The following GGA1 variants were observed in gnomAD, a reference collection of about 807,000 sequenced individuals.
GGA1 encodes golgi associated, gamma adaptin ear containing, ARF binding protein 1.
Under a neutral mutation model 76.9 loss-of-function variants are expected in GGA1, and 18 were observed. That is an observed-to-expected ratio of 0.23 (90% CI 0.16 to 0.35). The LOEUF is 0.35. Ranked by LOEUF, GGA1 falls within the 10% of genes least tolerant of loss-of-function variation. The probability of loss-of-function intolerance (pLI) is 1.00; values close to 1 mark genes in which losing one functional copy is unlikely to be tolerated. For missense variants in GGA1, 755 were observed against 859.0 expected (o/e 0.88, Z 1.51); for synonymous variants, 342 against 354.7 (o/e 0.96, Z 0.40).
intron 1 of GGA1, among the ~76,000 whole-genome samples, chr22:37,611,402 T>G (rs1927556082): frequency 6.6e-6 from 1 of 152,156 alleles, no homozygotes; most frequent in Non-Finnish European, 1.5e-5. Context: ...CTGTCTGCAC[T>G]TCTCCTTGCT....
Position 37,617,317 on chromosome 22 carries a change from C to T in GGA1, c.204+320C>T. ...CAACACATGGAATCAGGGCTCCACC[C>T]AGACCTGCCGAGGCCACACTCCTGG... On this transcript the variant is annotated intron_variant, in intron 3 of 16. Transcript: ENST00000343632. 4 of 1,253,542 alleles carry T rather than the reference C, an allele frequency of 3.2e-6. No individual in the cohort carries two copies. In the South Asian group the frequency reaches 7.6e-5, roughly 24 times the overall value. 77.7% of individuals were successfully genotyped at this position (1,253,542 alleles called of 1,614,324 possible).
chr22:37,625,742 C>T lies in GGA1; in HGVS notation c.941-55C>T, dbSNP rs1186109845. 7.9e-6 allele frequency: 11 copies of T among 1,396,398 alleles called. No homozygotes were observed. The East Asian group carries it at 1.2e-4, about 16-fold the overall frequency. The allele number at this position is 1,396,398 out of a possible 1,614,324, so 86.5% of individuals were successfully genotyped here. On this transcript the variant is annotated intron_variant, in intron 10 of 16. Coordinates refer to ENST00000343632, the MANE Select transcript of GGA1 (RefSeq NM_013365.5). The surrounding 1 kb of genome is among the most constrained non-coding windows in gnomAD (Gnocchi z 4.1). Reference sequence around the variant, plus strand: ...GTTGCTCCCCCGCAACCCCTGTGGACTCTGAGAGACACGTGTACACCCAGG... The same window carrying T: ...GTTGCTCCCCCGCAACCCCTGTGGATTCTGAGAGACACGTGTACACCCAGG...
intron 11 of GGA1, among the ~76,000 whole-genome samples, chr22:37,629,252 G>T (rs1182027393): frequency 6.6e-6 from 1 of 152,234 alleles, no homozygotes; most frequent in Non-Finnish European, 1.5e-5. Context: ...AAGAGGGGAA[G>T]CGTGTGTGGG....
At position 37,608,876 on chromosome 22, in the gene GGA1, G is replaced by C. The variant is rs1926895540; in HGVS notation, c.16G>C (p.Glu6Gln). The C allele has an allele frequency of 7.6e-7, 1 of 1,308,818 alleles. No individual in the cohort carries two copies. The highest frequency in any genetic ancestry group is 9.7e-7 in the Non-Finnish European group (1 of 1,029,172). The allele number at this position is 1,308,818 out of a possible 1,614,324, so 81.1% of individuals were successfully genotyped here. ...CCGGTGGCGGATGGAGCCCGCGATG[G>C]AGCCGGAGACTCTGGAGGCGCGAAT... MEPAMEPETLEARINR... is the reference protein window; with the variant it reads MEPAMQPETLEARINR... The change falls in exon 1 of 17, where the codon GAG (glutamate) becomes CAG (glutamine). Residue 6 changes from glutamate to glutamine, a missense_variant. Transcript: ENST00000343632.
intron 1 of GGA1, chr22:37,609,402 C>T (rs1433025306): frequency 2.2e-6 from 2 of 897,826 alleles, no homozygotes; most frequent in East Asian, 1.2e-4. Context: ...AAGGGAGGAC[C>T]CACTGCCCCA....
chr22:37,610,533 C>A (rs1927315672), intron 1 of GGA1: 1 of 152,168 alleles, frequency 6.6e-6, no homozygotes, highest in African/African-American at 2.4e-5. Context: ...TACAGGTGGG[C>A]TTTCACCATG....
At chr22:37,620,039 G>T (rs1369588206) in intron 4 of GGA1, 199 bp from the exon 5 acceptor site, 1 of 643,610 alleles carries the variant, frequency 1.6e-6, no homozygotes, top group Non-Finnish European at 2.8e-6. Flanking sequence ...CAGACACTGA[G>T]GGCTGACCCA....
At chr22:37,612,870 T>C (rs1927992073) in intron 1 of GGA1, 2 of 969,878 alleles carry the variant, frequency 2.1e-6, no homozygotes, top group Non-Finnish European at 2.5e-6. Flanking sequence ...TAACCAGTAT[T>C]GGGGGTTAAA....
rs200965557 is a variant in GGA1, at chr22:37,620,374, G to C, written c.427+13G>C. 40 of 1,613,900 alleles carry C rather than the reference G, an allele frequency of 2.5e-5. No homozygotes were observed. The Admixed American group carries it at 2.5e-4, about 10-fold the overall frequency. On this transcript the variant is annotated intron_variant, in intron 5 of 16. Coordinates refer to ENST00000343632, the MANE Select transcript of GGA1 (RefSeq NM_013365.5). ...CTAAAGAAGCAGGGTGAGGCACACA[G>C]AGGGTGGGGGGCGACCAGGGCCTGC...
chr22:37,620,762 C>A (rs756759116), intron 5 of GGA1, 51 bp from the exon 6 acceptor site: 2 of 1,120,374 alleles, frequency 1.8e-6, no homozygotes, highest in Non-Finnish European at 2.7e-6. Context: ...GTCACCCCTA[C>A]CCCTGGGCCT....
In GGA1 at chr22:37,632,969, A is replaced by C; in HGVS notation, c.*258A>C. On this transcript the variant is annotated 3_prime_UTR_variant, in exon 17 of 17. Coordinates refer to ENST00000343632, the MANE Select transcript of GGA1 (RefSeq NM_013365.5). The surrounding 1 kb of genome is among the most constrained non-coding windows in gnomAD (Gnocchi z 5.1). ...CTCCATCACCGGGACCTGGAGAGGG[A>C]GGGGCTGTGTAGCCTTGGAAGAACT... The C allele has an allele frequency of 3.8e-6, 2 of 520,562 alleles. No homozygotes were observed. Among genetic ancestry groups the C allele is most frequent in the Non-Finnish European group, 7.0e-6 (2 of 287,318 alleles). 32.2% of individuals were successfully genotyped at this position (520,562 alleles called of 1,614,324 possible).
At position 37,618,541 on chromosome 22, in the gene GGA1, C is replaced by T. The variant is rs1406378449; in HGVS notation, c.298C>T (p.Pro100Ser). The change falls in exon 4 of 17, where the codon CCC becomes TCC. Residue 100 changes from proline to serine, a missense_variant. By Grantham distance (74) the Pro-to-Ser change is moderately conservative (BLOSUM62 -1). Transcript: ENST00000343632. ...FLNELIKVVS[P>S]KYLGSRTSEK... Reference sequence around the variant, plus strand: ...CAACGAGCTCATCAAGGTCGTGTCTCCCAAGGTTGGTGCCCCCAGCCCAAG... The same window carrying T: ...CAACGAGCTCATCAAGGTCGTGTCTTCCAAGGTTGGTGCCCCCAGCCCAAG... 5.0e-6 allele frequency: 8 copies of T among 1,605,008 alleles called. No individual in the cohort carries two copies. The highest frequency in any genetic ancestry group is 6.0e-6 in the Non-Finnish European group (7 of 1,171,862).
chr22:37,630,127 C>T lies in GGA1; in HGVS notation c.1288C>T (p.Leu430Phe). The T allele has an allele frequency of 6.2e-7, 1 of 1,604,088 alleles. No individual in the cohort carries two copies. Among genetic ancestry groups the T allele is most frequent in the Non-Finnish European group, 8.5e-7 (1 of 1,175,788 alleles). The change falls in exon 13 of 17, where the codon CTC (leucine) becomes TTC (phenylalanine). Residue 430 changes from leucine (L) to phenylalanine (F), a missense_variant. Physicochemically the swap from Leu to Phe is conservative, Grantham distance 22. Coordinates refer to ENST00000343632, the MANE Select transcript of GGA1 (RefSeq NM_013365.5). Reference sequence around the variant, plus strand: ...CGACCTAGACCTCCTGGGGAAGACCCTCCTGCAGCAGTCGCTGCCCCCGGA... The same window carrying T: ...CGACCTAGACCTCCTGGGGAAGACCTTCCTGCAGCAGTCGCTGCCCCCGGA... ...LDDLDLLGKT[L>F]LQQSLPPESQ...
chr22:37,619,863 C>T (rs761897107), intron 4 of GGA1: 1 of 766,000 alleles, frequency 1.3e-6, no homozygotes, highest in Non-Finnish European at 2.4e-6. Flanking sequence ...GAGAGTAGGC[C>T]CAGGGCCTCC....
intron 11 of GGA1, among the ~76,000 whole-genome samples, chr22:37,629,206 T>C (rs1180504335): frequency 1.3e-5 from 2 of 152,222 alleles, no homozygotes; most frequent in African/African-American, 4.8e-5. Flanking sequence ...ATGTCTATTG[T>C]CTGTGTGCAC....
chr22:37,614,350 GGTGGA>G, intron 2 of GGA1, 76 bp downstream of exon 2: 1 of 1,000,842 alleles, frequency 1.0e-6, no homozygotes, highest in South Asian at 1.3e-5. Flanking sequence ...GGCCTGGGTG[GGTGGA>G]GACCCGGTTT....
Position 37,625,822 on chromosome 22 carries a change from C to T in GGA1, c.966C>T (p.Leu322=). ...IPGSTSALLD[L]SGLDLPPAGT... ...GGAGCACCTCGGCCCTGCTGGATCT[C>T]TCAGGCCTGGATCTCCCGCCTGCGG... The change falls in exon 11 of 17, where the codon CTC becomes CTT. Residue 322 remains leucine, a synonymous_variant. Coordinates refer to ENST00000343632, the MANE Select transcript of GGA1 (RefSeq NM_013365.5). This position sits in a 1 kb window ranked among gnomAD's most constrained non-coding sequence, Gnocchi z 4.1. 6.2e-7 allele frequency: 1 copy of T among 1,605,934 alleles called. No individual in the cohort carries two copies. Among genetic ancestry groups the T allele is most frequent in the South Asian group, 1.1e-5 (1 of 90,082 alleles).
At chr22:37,611,134 G>A (rs1055607982) in intron 1 of GGA1, among the ~76,000 whole-genome samples, 3 of 152,154 alleles carry the variant, frequency 2.0e-5, no homozygotes, top group East Asian at 3.9e-4. Context: ...TTGGGGACTC[G>A]GAGGCAGAGT....
chr22:37,630,640 C>T, intron 13 of GGA1: 1 of 522,080 alleles, frequency 1.9e-6, no homozygotes. Flanking sequence ...GATCTCGGCT[C>T]ACTGCAACCT....
Sources: gnomAD v4.1 joint callset for allele counts (sites outside exome capture counted in the v4.1 genomes callset) on GRCh38, gnomAD v4.1.1 for gene constraint, Gnocchi (gnomAD v3.1) non-coding constraint, MANE v1.5 for transcripts, NCBI Gene and HGNC (gene_info 2026-07-23, HGNC 2026-07-21) for gene names.